Variants in FRMPD4 observed in about 807,000 individuals in gnomAD.
FRMPD4 encodes the protein FERM and PDZ domain containing 4.
FRMPD4 carries 22 observed loss-of-function variants against 94.1 expected under a neutral mutation model. That is an observed-to-expected ratio of 0.23 (90% CI 0.17 to 0.33). FRMPD4 has a LOEUF of 0.33. FRMPD4 is among the 10% of genes least tolerant of loss of function. The probability of loss-of-function intolerance (pLI) is 1.00; values close to 1 mark genes in which losing one functional copy is unlikely to be tolerated. For synonymous variants in FRMPD4, 631 were observed against 548.6 expected, an observed-to-expected ratio of 1.15 and a Z score of -2.10; for missense variants, 1,111 against 1,339.9, an observed-to-expected ratio of 0.83 and a Z score of 2.67.
At position 11,847,855 on chromosome X, in the gene FRMPD4, G is replaced by T. The variant is rs1322585949; in HGVS notation, c.-160-17231G>T. Among the ~76,000 whole-genome samples the T allele has an allele frequency of 2.9e-3, 246 of 84,258 alleles. 1 individual carries two copies. The highest frequency in any genetic ancestry group is 4.8e-3 in the Non-Finnish European group (214 of 44,223). The allele number at this position is 84,258 out of a possible 115,157, so 73.2% of individuals were successfully genotyped here. A position where few individuals can be genotyped will look rare whatever the true frequency, so the allele number is the denominator to read the frequency against. On this transcript the variant is annotated intron_variant, in intron 1 of 18. Transcript: ENST00000640291. ...AATGAGAACACATGGACACAGGAAG[G>T]GGAACATCACACTCTGGGGACTGTT...
intron 1 of FRMPD4, among the ~76,000 whole-genome samples, chrX:12,382,530 G>GCAT (rs60602906): frequency 0.17 from 7,226 of 43,721 alleles, 861 homozygotes; most frequent in East Asian, 0.45. Flanking sequence ...GCATAGCATA[G>GCAT]AGCATAGCAT....
chrX:12,455,776 T>G (rs776880003), intron 1 of FRMPD4, among the ~76,000 whole-genome samples: 24 of 112,192 alleles, frequency 2.1e-4, no homozygotes, highest in African/African-American at 7.8e-4. Context: ...GAGTGCTGCC[T>G]CATTATTGTT....
chrX:12,237,479 A>G (rs760738055), intron 1 of FRMPD4, among the ~76,000 whole-genome samples: 1 of 112,333 alleles, frequency 8.9e-6, no homozygotes, highest in Admixed American at 9.4e-5. Context: ...AATATTTTCA[A>G]TTAAACTCAT....
At chrX:12,614,055 G>T (rs943400354) in intron 3 of FRMPD4, 5 of 112,490 alleles carry the variant, frequency 4.4e-5, no homozygotes, top group African/African-American at 1.6e-4. Flanking sequence ...CTACTCAGCA[G>T]GCTGAGGTGG....
intron 1 of FRMPD4, among the ~76,000 whole-genome samples, chrX:12,331,641 TAA>T (rs1175773464): frequency 8.7e-5 from 7 of 80,407 alleles, no homozygotes; most frequent in East Asian, 3.5e-4. Context: ...ATAAATTATA[TAA>T]ATTATATATT....
At chrX:12,383,042 CCCCAAACAGG>C (rs1349205724) in intron 1 of FRMPD4, among the ~76,000 whole-genome samples, 1 of 111,600 alleles carries the variant, frequency 9.0e-6, no homozygotes, top group Non-Finnish European at 1.9e-5. Flanking sequence ...CTACCCCCTG[CCCCAAACAGG>C]GGCAGCAAAT....
intron 4 of FRMPD4, among the ~76,000 whole-genome samples, chrX:12,668,091 T>C (rs2059798345): frequency 8.9e-6 from 1 of 112,285 alleles, no homozygotes; most frequent in African/African-American, 3.2e-5. Flanking sequence ...GTTAATTTGA[T>C]GGCTTAAAAG....
chrX:11,856,157 G>A (rs753315775), intron 1 of FRMPD4, among the ~76,000 whole-genome samples: 1 of 111,282 alleles, frequency 9.0e-6, no homozygotes, highest in African/African-American at 3.3e-5. Flanking sequence ...ATTATCATAA[G>A]AACAGAATGG....
At chrX:11,925,562 A>G (rs372781653) in intron 3 of FRMPD4, among the ~76,000 whole-genome samples, 1 of 112,423 alleles carries the variant, frequency 8.9e-6, no homozygotes, top group Admixed American at 9.4e-5. Context: ...CTCTCAGACC[A>G]TAGTGCAATC....
At chrX:12,514,950 G>A (rs1162647845) in intron 2 of FRMPD4, among the ~76,000 whole-genome samples, 1 of 111,735 alleles carries the variant, frequency 8.9e-6, no homozygotes, top group Non-Finnish European at 1.9e-5. Context: ...TCTTGGGAGG[G>A]TGTATATGTC....
intron 1 of FRMPD4, among the ~76,000 whole-genome samples, chrX:11,862,945 T>C (rs1236380278): frequency 9.8e-6 from 1 of 102,449 alleles, no homozygotes; most frequent in African/African-American, 3.6e-5. Context: ...TGGAGGTGTG[T>C]GGTTAGGGAA....
At chrX:12,395,316 T>C (rs2056529581) in intron 1 of FRMPD4, among the ~76,000 whole-genome samples, 2 of 112,300 alleles carry the variant, frequency 1.8e-5, no homozygotes, top group South Asian at 3.7e-4. Context: ...AGAAATCTTG[T>C]TGAAGATATG....
intron 3 of FRMPD4, among the ~76,000 whole-genome samples, chrX:12,013,534 C>T (rs1271982262): frequency 1.8e-5 from 2 of 112,609 alleles, no homozygotes; most frequent in Non-Finnish European, 3.8e-5. Flanking sequence ...TTCTCAAGCT[C>T]CAGTAATGTC....
chrX:11,986,884 A>G (rs929636018), intron 3 of FRMPD4, among the ~76,000 whole-genome samples: 4 of 109,559 alleles, frequency 3.7e-5, no homozygotes, highest in Non-Finnish European at 7.6e-5. Flanking sequence ...ACAGCCAATA[A>G]CAAGTGATGT....
chrX:12,109,189 C>A, intron 3 of FRMPD4, among the ~76,000 whole-genome samples: 1 of 112,031 alleles, frequency 8.9e-6, no homozygotes, highest in Middle Eastern at 4.6e-3. Flanking sequence ...CACTCCTCAG[C>A]AAATGTAAAA....
At chrX:11,976,615 A>G (rs1267179814) in intron 3 of FRMPD4, among the ~76,000 whole-genome samples, 1 of 112,596 alleles carries the variant, frequency 8.9e-6, no homozygotes, top group Admixed American at 9.4e-5. Flanking sequence ...AAAGAATTGG[A>G]AGCCATAGTT....
intron 1 of FRMPD4, among the ~76,000 whole-genome samples, chrX:12,337,972 A>G (rs1489247327): frequency 8.9e-6 from 1 of 112,262 alleles, no homozygotes; most frequent in East Asian, 2.8e-4. Context: ...AAGTGCCAAC[A>G]GACTGGGTGT....
At chrX:12,162,474 GC>G (rs779011171) in intron 1 of FRMPD4, among the ~76,000 whole-genome samples, 6 of 112,355 alleles carry the variant, frequency 5.3e-5, no homozygotes, top group African/African-American at 1.6e-4. Flanking sequence ...AGACCAGATT[GC>G]CCACTCAGAA....
At chrX:11,834,850 T>C (rs770108571) in intron 1 of FRMPD4, among the ~76,000 whole-genome samples, 5 of 112,204 alleles carry the variant, frequency 4.5e-5, no homozygotes, top group African/African-American at 1.6e-4. Context: ...TTATACCTAT[T>C]ATCCATCTGC....
Sources: gnomAD v4.1 joint callset for allele counts (sites outside exome capture counted in the v4.1 genomes callset) on GRCh38, gnomAD v4.1.1 for gene constraint, MANE v1.5 for transcripts, NCBI Gene and HGNC (gene_info 2026-07-23, HGNC 2026-07-21) for gene names.